SH3BP2: variants seen among roughly 807,000 people sequenced by gnomAD.
SH3BP2 encodes the protein SH3 domain-binding protein 2.
Under a neutral mutation model 56.2 loss-of-function variants are expected in SH3BP2, and 38 were observed. That is an observed-to-expected ratio of 0.68 (90% CI 0.52 to 0.89). SH3BP2 has a LOEUF of 0.89. Ranked by LOEUF, SH3BP2 falls within the 40% of genes least tolerant of loss-of-function variation. The probability of loss-of-function intolerance (pLI) is 0.00; values close to 1 mark genes in which losing one functional copy is unlikely to be tolerated. For synonymous variants in SH3BP2, 346 were observed against 316.7 expected (o/e 1.09, Z -0.98); for missense variants, 748 against 762.6 (o/e 0.98, Z 0.23).
intron 1 of SH3BP2, among the ~76,000 whole-genome samples, chr4:2,814,043 G>A (rs1483152201): frequency 1.3e-5 from 2 of 152,230 alleles, no homozygotes; most frequent in African/African-American, 2.4e-5. Context: ...GGTCACATGA[G>A]GTGCTGGCTC....
intron 1 of SH3BP2, among the ~76,000 whole-genome samples, chr4:2,802,285 A>G (rs960116984): frequency 1.3e-5 from 2 of 151,994 alleles, no homozygotes; most frequent in African/African-American, 2.4e-5. Flanking sequence ...AATCCCAGCT[A>G]TAGGAGGCTG....
At position 2,831,363 on chromosome 4, in the gene SH3BP2, C is replaced by A. The variant is rs890171364; in HGVS notation, c.1242-208C>A. Among the ~76,000 whole-genome samples, 2 of 152,220 alleles carry A rather than the reference C, an allele frequency of 1.3e-5. No individual in the cohort carries two copies. The stretch of plus-strand genomic sequence containing the variant: ...CATCCATGGCAGCCCTGACCCCTGA[C>A]TCCGGTGTCGGGCGATTCCTGCTGT... On this transcript the variant is annotated intron_variant, in intron 8 of 12. Transcript: ENST00000503393. This position sits in a 1 kb window ranked among gnomAD's most constrained non-coding sequence, Gnocchi z 4.1.
intron 1 of SH3BP2, chr4:2,818,403 C>A (rs1168168451): frequency 1.9e-5 from 22 of 1,167,136 alleles, no homozygotes; most frequent in Non-Finnish European, 1.8e-5. Context: ...GAGTACCGAG[C>A]CCCGGCCCCC....
intron 8 of SH3BP2, 141 bp downstream of exon 8, chr4:2,830,288 C>T (rs557961915): frequency 2.5e-5 from 19 of 757,344 alleles, no homozygotes; most frequent in African/African-American, 3.5e-5. Flanking sequence ...GGAAGGTTCC[C>T]GGTTGCCTCC....
At chr4:2,794,828 T>TC (rs1723009097) in intron 1 of SH3BP2, among the ~76,000 whole-genome samples, 3 of 151,802 alleles carry the variant, frequency 2.0e-5, no homozygotes, top group African/African-American at 7.3e-5. Flanking sequence ...CAGCTGGAGC[T>TC]CCCCACCCCC....
Position 2,831,126 on chromosome 4 carries a change from G to A in SH3BP2, c.1242-445G>A, listed in dbSNP as rs1724961914. Among the ~76,000 whole-genome samples the A allele has an allele frequency of 6.6e-6, 1 of 152,252 alleles. No individual in the cohort carries two copies. Among genetic ancestry groups the A allele is most frequent in the South Asian group, 2.1e-4 (1 of 4,836 alleles). ...AGAGCCTTTGAGGCTTTGCTGAGCA[G>A]GACCGGCTAGCCACACAGGGAGGCG... On this transcript the variant is annotated intron_variant, in intron 8 of 12. Transcript: ENST00000503393. This position sits in a 1 kb window ranked among gnomAD's most constrained non-coding sequence, Gnocchi z 4.1.
intron 1 of SH3BP2, chr4:2,818,339 G>A (rs2108722208): frequency 8.5e-7 from 1 of 1,169,814 alleles, no homozygotes; most frequent in Non-Finnish European, 1.1e-6. Flanking sequence ...TCGCAGGGGA[G>A]GCGGGCGTGG....
chr4:2,831,996 T>C lies in SH3BP2; in HGVS notation c.1406+18T>C. The C allele has an allele frequency of 1.2e-6, 2 of 1,612,536 alleles. No homozygotes were observed. The highest frequency in any genetic ancestry group is 8.5e-7 in the Non-Finnish European group (1 of 1,179,772). On this transcript the variant is annotated intron_variant, in intron 10 of 12. Transcript: ENST00000503393. The surrounding 1 kb of genome is among the most constrained non-coding windows in gnomAD (Gnocchi z 4.1). ...GTGGAAAGGTCAGCACAAAGCCCTG[T>C]GTGTGCTGGGTCCTCCGCCATGCCC...
chr4:2,821,620 C>T (rs940426226), intron 2 of SH3BP2, among the ~76,000 whole-genome samples: 3 of 152,142 alleles, frequency 2.0e-5, no homozygotes, highest in East Asian at 3.9e-4. Context: ...AGTGTAGTGG[C>T]GTGATCATGG....
At chr4:2,827,707 G>C (rs1724751255) in intron 7 of SH3BP2, 33 bp downstream of exon 7, 1 of 1,492,200 alleles carries the variant, frequency 6.7e-7, no homozygotes. Context: ...GGGAGCTCTG[G>C]GTGTGTAGGA....
intron 1 of SH3BP2, among the ~76,000 whole-genome samples, chr4:2,802,641 GTATA>G (rs776382628): frequency 1.5e-4 from 22 of 147,186 alleles, no homozygotes; most frequent in African/African-American, 5.1e-4. Context: ...TGTGGTGTGT[GTATA>G]TATATATGTA....
intron 1 of SH3BP2, among the ~76,000 whole-genome samples, chr4:2,803,815 C>G (rs1723421620): frequency 6.6e-6 from 1 of 152,190 alleles, no homozygotes; most frequent in East Asian, 1.9e-4. Flanking sequence ...TCCCAGGACG[C>G]TGGCGGATGT....
chr4:2,825,220 C>G (rs369642567), intron 5 of SH3BP2, 24 bp downstream of exon 5: 5 of 1,558,570 alleles, frequency 3.2e-6, no homozygotes, highest in Middle Eastern at 1.7e-4. Flanking sequence ...CAGGGCATAC[C>G]GGGCAGTGAG....
rs1269839699 is a variant in SH3BP2, at chr4:2,832,369, A to G, written c.1445A>G (p.Asp482Gly). The G allele has an allele frequency of 1.9e-6, 3 of 1,613,984 alleles. No individual in the cohort carries two copies. The highest frequency in any genetic ancestry group is 8.5e-7 in the Non-Finnish European group (1 of 1,179,986). The change falls in exon 11 of 13, where the codon GAT becomes GGT. Residue 482 changes from aspartate to glycine, a missense_variant. Coordinates refer to ENST00000503393, the MANE Select transcript of SH3BP2 (RefSeq NM_001122681.2). ...KATSPRGEPQ[D>G]GLYCIRNSST... ...ACAAGCCCCCGGGGAGAGCCCCAGG[A>G]TGGACTCTACTGCATCCGGAACTCC...
At chr4:2,830,454 G>T (rs150194223) in intron 8 of SH3BP2, among the ~76,000 whole-genome samples, 2 of 152,088 alleles carry the variant, frequency 1.3e-5, no homozygotes, top group Non-Finnish European at 2.9e-5. Flanking sequence ...CTCCACCTCC[G>T]GGGTTCAGGT....
At position 2,837,271 on chromosome 4, in the gene SH3BP2, C is replaced by A. The variant is rs544359943; in HGVS notation, c.*3437C>A. On this transcript the variant is annotated 3_prime_UTR_variant, in exon 13 of 13. Transcript: ENST00000503393. ...CTTGAACTCCTGACCTCAACTGATC[C>A]GCCCACCTTGGCCTCCCAAGTGCTG... The A allele has an allele frequency of 6.6e-6, 1 of 152,208 alleles. No individual in the cohort carries two copies. The highest frequency in any genetic ancestry group is 1.5e-5 in the Non-Finnish European group (1 of 68,046). The allele number at this position is 152,208 out of a possible 1,614,324, so 9.4% of individuals were successfully genotyped here.
intron 1 of SH3BP2, among the ~76,000 whole-genome samples, chr4:2,803,575 A>C (rs1389174181): frequency 6.6e-6 from 1 of 152,140 alleles, no homozygotes; most frequent in Admixed American, 6.5e-5. Flanking sequence ...CTGGGACTGG[A>C]GCCCAGGCGT....
At chr4:2,800,404 T>G (rs536600592) in intron 1 of SH3BP2, among the ~76,000 whole-genome samples, 7 of 152,286 alleles carry the variant, frequency 4.6e-5, no homozygotes, top group South Asian at 4.1e-4. Flanking sequence ...TGCCCCTGCC[T>G]GAGCTGCCCG....
At chr4:2,798,880 C>A in intron 1 of SH3BP2, 1 of 753,306 alleles carries the variant, frequency 1.3e-6, no homozygotes, top group Non-Finnish European at 1.6e-6. Flanking sequence ...CCTCCGCCTT[C>A]TCTGGGCAGG....
Sources: allele counts gnomAD v4.1 joint callset (sites outside exome capture counted in the v4.1 genomes callset), GRCh38; gene constraint gnomAD v4.1.1; non-coding constraint Gnocchi (gnomAD v3.1); transcripts MANE v1.5; gene names NCBI Gene and HGNC (gene_info 2026-07-23, HGNC 2026-07-21).